The following ZDHHC2 variants were observed in gnomAD, a reference collection of about 807,000 sequenced individuals.
ZDHHC2 encodes zDHHC palmitoyltransferase 2, also known as palmitoyltransferase ZDHHC2.
In ZDHHC2, 51 loss-of-function variants were observed where a neutral mutation model predicts 55.6. That is an observed-to-expected ratio of 0.92 (90% CI 0.73 to 1.16). The LOEUF (loss-of-function observed/expected upper bound fraction) is 1.16. Among genes scored for constraint, ZDHHC2 ranks in the 50% most tolerant of loss-of-function variants. The pLI is 0.00. For synonymous variants in ZDHHC2, 199 were observed against 152.9 expected, an observed-to-expected ratio of 1.30 and a Z score of -2.22; for missense variants, 491 against 442.4, an observed-to-expected ratio of 1.11 and a Z score of -0.99.
intron 6 of ZDHHC2, among the ~76,000 whole-genome samples, chr8:17,201,619 A>G (rs1229194710): frequency 4.9e-5 from 7 of 144,162 alleles, no homozygotes; most frequent in Non-Finnish European, 1.0e-4. Context: ...CAGCCTCCCA[A>G]GTAGCTGGGA....
At position 17,193,927 on chromosome 8, in the gene ZDHHC2, A is replaced by C. The variant is rs1051899326; in HGVS notation, c.253-1577A>C. 7.3e-5 allele frequency among the ~76,000 whole-genome samples: 11 copies of C among 151,690 alleles called. No homozygotes were observed. The South Asian group carries it at 1.5e-3, about 20-fold the overall frequency. ...AGTGCTGTCCCTCCCCTAGATCCCC[A>C]CCCCACGACAGGCCCTGGTGTGTGA... On this transcript the variant is annotated intron_variant, in intron 3 of 12. Coordinates refer to ENST00000262096, the MANE Select transcript of ZDHHC2 (RefSeq NM_016353.5).
At chr8:17,182,943 G>T (rs553441706) in intron 1 of ZDHHC2, among the ~76,000 whole-genome samples, 1 of 152,288 alleles carries the variant, frequency 6.6e-6, no homozygotes, top group Admixed American at 6.5e-5. Context: ...TGTATTTTTA[G>T]TAGAGACGGG....
At chr8:17,164,382 A>G (rs569567182) in intron 1 of ZDHHC2, among the ~76,000 whole-genome samples, 65 of 152,318 alleles carry the variant, frequency 4.3e-4, no homozygotes, top group African/African-American at 1.5e-3. Context: ...TTACATTTTT[A>G]AAATGCAAAT....
chr8:17,188,187 C>A (rs1805819425), intron 3 of ZDHHC2, among the ~76,000 whole-genome samples: 1 of 152,132 alleles, frequency 6.6e-6, no homozygotes, highest in Non-Finnish European at 1.5e-5. Flanking sequence ...ACTGGAAAAC[C>A]ATCTTAAGGT....
At position 17,164,033 on chromosome 8, in the gene ZDHHC2, CA is replaced by C. The variant is rs749820956; in HGVS notation, c.130+7181del. 3.9e-5 allele frequency among the ~76,000 whole-genome samples: 6 copies of C among 152,106 alleles called. No homozygotes were observed. The East Asian group carries it at 9.7e-4, about 24-fold the overall frequency. ...AGTGAAAAGGGCGAAATTATCAAGGCAGGGGGTAGGAGGAGGAGGCGCTGGG... is the reference window on the plus strand; with the variant it reads ...AGTGAAAAGGGCGAAATTATCAAGGCGGGGGTAGGAGGAGGAGGCGCTGGG... On this transcript the variant is annotated intron_variant, in intron 1 of 12. Coordinates refer to ENST00000262096, the MANE Select transcript of ZDHHC2 (RefSeq NM_016353.5).
chr8:17,178,903 A>G (rs919119206), intron 1 of ZDHHC2, among the ~76,000 whole-genome samples: 9 of 152,154 alleles, frequency 5.9e-5, no homozygotes, highest in African/African-American at 1.9e-4. Context: ...CCAATTCTAA[A>G]CTGAGGACTG....
In ZDHHC2 at chr8:17,210,027, A is replaced by G. The variant is rs1268906618; in HGVS notation, c.826A>G (p.Lys276Glu). 2 of 1,607,536 alleles carry G rather than the reference A, an allele frequency of 1.2e-6. No homozygotes were observed. Among genetic ancestry groups the G allele is most frequent in the Admixed American group, 3.4e-5 (2 of 59,144 alleles). The part of the protein sequence containing the change: ...KNMRQVFGDE[K>E]KYWLLPIFSS... ...CATGCGACAAGTTTTTGGTGATGAG[A>G]AGAAGTACTGGTTGCTACCCATTTT... Residue 276 changes from lysine (K) to glutamate (E), a missense_variant, in exon 9 of 13, where the codon AAG (lysine) becomes GAG (glutamate). Lys to Glu is a moderately conservative substitution (Grantham distance 56, BLOSUM62 1). Transcript: ENST00000262096.
At chr8:17,202,283 C>T (rs896401344) in intron 6 of ZDHHC2, among the ~76,000 whole-genome samples, 18 of 134,948 alleles carry the variant, frequency 1.3e-4, no homozygotes, top group African/African-American at 4.2e-4. Flanking sequence ...TGCAGTGGCA[C>T]GATCTTGGCT....
At position 17,199,509 on chromosome 8, in the gene ZDHHC2, T is replaced by TTCTTCTTCTTCTTCGTCTTCGTCTTCG. The variant is rs1297662337; in HGVS notation, c.476+1101_476+1102insTTCTTCTTCGTCTTCGTCTTCGTCTTC. On this transcript the variant is annotated intron_variant, in intron 6 of 12. Transcript: ENST00000262096. ...CTTCTTCTTCTTCTTCTTCTTCTTC[T>TTCTTCTTCTTCTTCGTCTTCGTCTTCG]TCTTCGTCTTCGTCTTCGTCTTCTG... is the stretch of plus-strand genomic sequence containing the variant. 1.9e-3 allele frequency among the ~76,000 whole-genome samples: 229 copies of TTCTTCTTCTTCTTCGTCTTCGTCTTCG among 121,088 alleles called. 1 individual carries two copies. Among genetic ancestry groups the TTCTTCTTCTTCTTCGTCTTCGTCTTCG allele is most frequent in the Non-Finnish European group, 2.3e-3 (141 of 60,958 alleles). The allele number at this position is 121,088 out of a possible 152,430, so 79.4% of individuals were successfully genotyped here. A position where few individuals can be genotyped will look rare whatever the true frequency, so the allele number is the denominator to read the frequency against.
In ZDHHC2 at chr8:17,195,602, C is replaced by T. The variant is rs201060834; in HGVS notation, c.351C>T (p.Ile117=). 17 of 1,613,918 alleles carry T rather than the reference C, an allele frequency of 1.1e-5. No homozygotes were observed. In the African/African-American group the frequency reaches 1.1e-4, roughly 10 times the overall value. The part of the protein sequence containing the change: ...VLRRAAKDLP[I]YTRTMSGAIR... ...GGCGAGCAGCCAAGGATCTTCCCAT[C>T]TATACCAGGACCATGTCTGGAGGTA... The change falls in exon 4 of 13, where the codon ATC becomes ATT. Residue 117 remains isoleucine, a synonymous_variant. Transcript: ENST00000262096.
At chr8:17,209,808 C>T in intron 8 of ZDHHC2, 124 bp from the exon 9 acceptor site, 1 of 1,131,290 alleles carries the variant, frequency 8.8e-7, no homozygotes, top group East Asian at 2.7e-5. Context: ...GGCACATAAG[C>T]CCTCACAGTC....
At chr8:17,219,745 A>G (rs1255764706) in intron 12 of ZDHHC2, among the ~76,000 whole-genome samples, 1 of 152,114 alleles carries the variant, frequency 6.6e-6, no homozygotes. Flanking sequence ...GCATCACTGC[A>G]CTCCAGCCTG....
At chr8:17,192,915 A>C (rs556824681) in intron 3 of ZDHHC2, among the ~76,000 whole-genome samples, 2 of 152,270 alleles carry the variant, frequency 1.3e-5, no homozygotes, top group African/African-American at 4.8e-5. Flanking sequence ...CTGTGTTGAA[A>C]ATGAGTTTAC....
intron 1 of ZDHHC2, among the ~76,000 whole-genome samples, chr8:17,161,739 G>T (rs1804353478): frequency 6.6e-6 from 1 of 152,044 alleles, no homozygotes; most frequent in Admixed American, 6.6e-5. Flanking sequence ...CGTGCCTGTA[G>T]TCACAGCTGC....
intron 1 of ZDHHC2, among the ~76,000 whole-genome samples, chr8:17,180,281 A>G (rs1477660908): frequency 6.6e-6 from 1 of 152,236 alleles, no homozygotes; most frequent in Non-Finnish European, 1.5e-5. Flanking sequence ...AAGTTTTAAC[A>G]TCTCATCATT....
At position 17,222,968 on chromosome 8, in the gene ZDHHC2, C is replaced by T. The variant is rs192146022; in HGVS notation, c.*2747C>T. The T allele has an allele frequency of 6.6e-6, 1 of 151,828 alleles. No homozygotes were observed. The highest frequency in any genetic ancestry group is 2.4e-5 in the African/African-American group (1 of 41,484). 9.4% of individuals were successfully genotyped at this position (151,828 alleles called of 1,614,324 possible). A position where few individuals can be genotyped will look rare whatever the true frequency, so the allele number is the denominator to read the frequency against. ...CTATAAAACTCAACTACACTGTAAT[C>T]AATAGACAACTATTGGAAATATGGC... On this transcript the variant is annotated 3_prime_UTR_variant, in exon 13 of 13. Transcript: ENST00000262096.
chr8:17,158,260 A>G (rs1375697033), intron 1 of ZDHHC2, among the ~76,000 whole-genome samples: 1 of 152,184 alleles, frequency 6.6e-6, no homozygotes, highest in Non-Finnish European at 1.5e-5. Context: ...CCTTATTGAG[A>G]TAGACTGTAT....
rs1563158110 is a variant in ZDHHC2, at chr8:17,195,533, G to T, written c.282G>T (p.Leu94Phe). 6.2e-7 allele frequency: 1 copy of T among 1,613,778 alleles called. No individual in the cohort carries two copies. The highest frequency in any genetic ancestry group is 1.3e-5 in the African/African-American group (1 of 75,052). Residue 94 changes from leucine (L) to phenylalanine (F), a missense_variant, in exon 4 of 13, where the codon TTG (leucine) becomes TTT (phenylalanine). By Grantham distance (22) the Leu-to-Phe change is conservative. Coordinates refer to ENST00000262096, the MANE Select transcript of ZDHHC2 (RefSeq NM_016353.5). ...EFHLSYAEKDLLEREPRGEAH... is the reference protein window; with the variant it reads ...EFHLSYAEKDFLEREPRGEAH... ...ATCTCTCTTATGCAGAGAAAGATTT[G>T]TTGGAGAGAGAGCCAAGAGGAGAAG...
In ZDHHC2 at chr8:17,156,636, C is replaced by G; in HGVS notation, c.-88C>G. 9.4e-7 allele frequency: 1 copy of G among 1,061,524 alleles called. No homozygotes were observed. Among genetic ancestry groups the G allele is most frequent in the Non-Finnish European group, 1.1e-6 (1 of 872,924 alleles). The allele number at this position is 1,061,524 out of a possible 1,614,324, so 65.8% of individuals were successfully genotyped here. A position where few individuals can be genotyped will look rare whatever the true frequency, so the allele number is the denominator to read the frequency against. ...ACCCCGCCGCCGCCCAGGAGCCCGT[C>G]CAGCCAGGGGTGCCGGGCCCGCCCA... On this transcript the variant is annotated 5_prime_UTR_variant, in exon 1 of 13. Transcript: ENST00000262096.
Sources: allele counts gnomAD v4.1 joint callset (sites outside exome capture counted in the v4.1 genomes callset), GRCh38; gene constraint gnomAD v4.1.1; transcripts MANE v1.5; gene names NCBI Gene and HGNC (gene_info 2026-07-23, HGNC 2026-07-21).